The following ZEB1 variants were observed in gnomAD, a reference collection of about 807,000 sequenced individuals.
The protein encoded by ZEB1 is zinc finger E-box binding homeobox 1.
Under a neutral mutation model 84.9 loss-of-function variants are expected in ZEB1, and 21 were observed. The ratio of observed to expected loss-of-function variants is 0.25; its 90% CI spans 0.18 to 0.36. The LOEUF is 0.36. ZEB1 is among the 10% of genes least tolerant of loss of function. The probability of loss-of-function intolerance (pLI) is 1.00; values close to 1 mark genes in which losing one functional copy is unlikely to be tolerated. For synonymous variants in ZEB1, 420 were observed against 471.1 expected, an observed-to-expected ratio of 0.89 and a Z score of 1.41; for missense variants, 1,104 against 1,330.2, an observed-to-expected ratio of 0.83 and a Z score of 2.65.
intron 1 of ZEB1, among the ~76,000 whole-genome samples, chr10:31,346,672 A>T (rs887203151): frequency 3.3e-5 from 5 of 152,136 alleles, no homozygotes; most frequent in Non-Finnish European, 7.4e-5. Context: ...TATCATCTAA[A>T]ATAGAAAAAT....
At chr10:31,477,150 A>G (rs2064330058) in intron 2 of ZEB1, among the ~76,000 whole-genome samples, 1 of 152,004 alleles carries the variant, frequency 6.6e-6, no homozygotes, top group African/African-American at 2.4e-5. Flanking sequence ...ATGCCCCCAT[A>G]CCTAGAAAAT....
intron 2 of ZEB1, among the ~76,000 whole-genome samples, chr10:31,477,857 TAACTC>T (rs903066728): frequency 1.3e-5 from 2 of 151,910 alleles, no homozygotes; most frequent in African/African-American, 4.8e-5. Flanking sequence ...ATTAAAAAAT[TAACTC>T]AAGATGGATT....
intron 2 of ZEB1, among the ~76,000 whole-genome samples, chr10:31,471,947 G>T (rs927312869): frequency 1.4e-5 from 2 of 138,664 alleles, no homozygotes; most frequent in African/African-American, 6.9e-5. Context: ...TGAACAACCT[G>T]CTCCTGAATG....
At chr10:31,411,141 A>G (rs1182697609) in intron 1 of ZEB1, among the ~76,000 whole-genome samples, 2 of 152,206 alleles carry the variant, frequency 1.3e-5, no homozygotes, top group Non-Finnish European at 2.9e-5. Flanking sequence ...AGCAAATGCA[A>G]AAGAACGGAA....
intron 1 of ZEB1, among the ~76,000 whole-genome samples, chr10:31,366,877 A>G (rs2044607622): frequency 6.6e-6 from 1 of 152,182 alleles, no homozygotes; most frequent in African/African-American, 2.4e-5. Context: ...TTATTTTCCC[A>G]GTGCGATTCC....
intron 1 of ZEB1, among the ~76,000 whole-genome samples, chr10:31,438,672 T>TA (rs900094567): frequency 2.3e-4 from 35 of 150,472 alleles, no homozygotes; most frequent in Admixed American, 2.7e-4. Context: ...CCTGTCTCTA[T>TA]AAAAAAAAAA....
chr10:31,323,357 G>T (rs1244996013), intron 1 of ZEB1, among the ~76,000 whole-genome samples: 2 of 139,060 alleles, frequency 1.4e-5, no homozygotes, highest in African/African-American at 6.7e-5. Flanking sequence ...AATTACAATT[G>T]ATTGATAATA....
Position 31,331,077 on chromosome 10 carries a change from C to CTTTTTTTTT in ZEB1, c.58+11788_58+11789insTTTTTTTTT, listed in dbSNP as rs1238584690. ...TTTCATTTTCTTTTCTTTTTTCTTT[C>CTTTTTTTTT]TTTCTTTTTTTTTTTTTTTTTTTTT... On this transcript the variant is annotated intron_variant, in intron 1 of 8. Coordinates refer to ENST00000424869, the MANE Select transcript of ZEB1 (RefSeq NM_001174096.2). Among the ~76,000 whole-genome samples, 13 of 89,058 alleles carry CTTTTTTTTT rather than the reference C, an allele frequency of 1.5e-4. 1 individual carries two copies. The highest frequency in any genetic ancestry group is 5.9e-4 in the African/African-American group (11 of 18,638). 58.4% of individuals were successfully genotyped at this position (89,058 alleles called of 152,430 possible).
At chr10:31,461,615 C>T (rs1055106919) in intron 2 of ZEB1, among the ~76,000 whole-genome samples, 1 of 152,088 alleles carries the variant, frequency 6.6e-6, no homozygotes, top group Non-Finnish European at 1.5e-5. Flanking sequence ...AAATCCCAAA[C>T]ACATATAAAT....
intron 2 of ZEB1, among the ~76,000 whole-genome samples, chr10:31,493,908 G>T (rs1260589387): frequency 6.6e-6 from 1 of 151,910 alleles, no homozygotes; most frequent in Non-Finnish European, 1.5e-5. Context: ...ATCCCAAGGG[G>T]GGATGAAGAA....
intron 1 of ZEB1, among the ~76,000 whole-genome samples, chr10:31,390,087 C>G (rs1031088605): frequency 6.6e-6 from 1 of 152,102 alleles, no homozygotes; most frequent in Non-Finnish European, 1.5e-5. Flanking sequence ...AACAGGATGT[C>G]CAGTGTAATT....
chr10:31,448,910 G>T (rs999994407), intron 1 of ZEB1, among the ~76,000 whole-genome samples: 1 of 152,250 alleles, frequency 6.6e-6, no homozygotes, highest in Non-Finnish European at 1.5e-5. Context: ...ACAGAGGCAG[G>T]CAGGCCTCCT....
intron 2 of ZEB1, among the ~76,000 whole-genome samples, chr10:31,487,560 C>T (rs954197064): frequency 6.6e-6 from 1 of 151,232 alleles, no homozygotes; most frequent in Non-Finnish European, 1.5e-5. Flanking sequence ...GTTTCCAGTT[C>T]ATTGCCTATG....
intron 1 of ZEB1, among the ~76,000 whole-genome samples, chr10:31,390,430 C>T (rs1194115261): frequency 6.6e-6 from 1 of 152,078 alleles, no homozygotes; most frequent in African/African-American, 2.4e-5. Context: ...GCTCAAATGG[C>T]AAGGATTTAG....
intron 1 of ZEB1, among the ~76,000 whole-genome samples, chr10:31,323,383 T>A (rs2034613278): frequency 6.6e-6 from 1 of 152,058 alleles, no homozygotes; most frequent in African/African-American, 2.4e-5. Flanking sequence ...TAATTATTTT[T>A]ATATAACTTA....
At chr10:31,365,280 C>G (rs2134252454) in intron 1 of ZEB1, among the ~76,000 whole-genome samples, 1 of 152,294 alleles carries the variant, frequency 6.6e-6, no homozygotes, top group African/African-American at 2.4e-5. Context: ...GCTTGGTCAA[C>G]TATTCACCAC....
chr10:31,345,495 A>G (rs1301907382), intron 1 of ZEB1, among the ~76,000 whole-genome samples: 1 of 152,108 alleles, frequency 6.6e-6, no homozygotes, highest in Non-Finnish European at 1.5e-5. Flanking sequence ...CCTGTATAAA[A>G]CTACTTCCCA....
chr10:31,510,546 A>AAT (rs2069792891), intron 4 of ZEB1, 127 bp from the exon 5 acceptor site: 1 of 748,408 alleles, frequency 1.3e-6, no homozygotes, highest in African/African-American at 1.7e-5. Context: ...GTATCATTGC[A>AAT]TTGTTTTGAG....
At chr10:31,319,425 G>C in intron 1 of ZEB1, 133 bp downstream of exon 1, 2 of 870,838 alleles carry the variant, frequency 2.3e-6, no homozygotes, top group Non-Finnish European at 3.6e-6. Context: ...TGGGAAAGTA[G>C]AAAGTAGTGC....
Sources: allele counts gnomAD v4.1 joint callset (sites outside exome capture counted in the v4.1 genomes callset), GRCh38; gene constraint gnomAD v4.1.1; transcripts MANE v1.5; gene names NCBI Gene and HGNC (gene_info 2026-07-23, HGNC 2026-07-21).